Variants in CRISPLD2 observed in about 807,000 individuals in gnomAD.
The protein encoded by CRISPLD2 is cysteine rich secretory protein LCCL domain containing 2.
CRISPLD2 carries 47 observed loss-of-function variants against 71.1 expected under a neutral mutation model. The ratio of observed to expected loss-of-function variants is 0.66; its 90% CI spans 0.52 to 0.84. CRISPLD2 has a LOEUF of 0.84. CRISPLD2 is among the 40% of genes least tolerant of loss of function. CRISPLD2 has a pLI of 0.00. For missense variants in CRISPLD2, 830 were observed against 651.1 expected (o/e 1.27, Z -2.99); for synonymous variants, 317 against 250.1 (o/e 1.27, Z -2.52).
At chr16:84,849,332 ACTGGTGGGTGAGGGGAGGGG>A in intron 3 of CRISPLD2, 33 bp from the exon 4 acceptor site, 1 of 1,546,470 alleles carries the variant, frequency 6.5e-7, no homozygotes, top group Non-Finnish European at 8.8e-7. Context: ...TGCTGTCTCC[ACTGGTGGGTGAGGGGAGGGG>A]CTGGGACTGA....
chr16:84,854,891 G>A, intron 6 of CRISPLD2, 62 bp downstream of exon 6: 1 of 1,277,524 alleles, frequency 7.8e-7, no homozygotes, highest in Non-Finnish European at 1.1e-6. Context: ...TCATGCGACA[G>A]CGTTACATGA....
chr16:84,900,990 C>T (rs1012461344), intron 14 of CRISPLD2, among the ~76,000 whole-genome samples: 2 of 148,238 alleles, frequency 1.3e-5, no homozygotes, highest in Non-Finnish European at 3.0e-5. Flanking sequence ...GTTGAGGCTG[C>T]AGTGAATCAT....
At chr16:84,895,069 C>T (rs377010168) in intron 14 of CRISPLD2, among the ~76,000 whole-genome samples, 2 of 152,134 alleles carry the variant, frequency 1.3e-5, no homozygotes, top group African/African-American at 2.4e-5. Context: ...GCAGGTTCCC[C>T]TCCTCCACTC....
intron 2 of CRISPLD2, among the ~76,000 whole-genome samples, chr16:84,843,602 A>C (rs910453310): frequency 5.9e-5 from 9 of 152,206 alleles, no homozygotes; most frequent in African/African-American, 2.2e-4. Context: ...ACCCTTTCTC[A>C]TAGGGTTGTT....
intron 3 of CRISPLD2, 200 bp downstream of exon 3, chr16:84,846,104 T>C (rs1408758757): frequency 2.1e-6 from 1 of 478,424 alleles, no homozygotes; most frequent in Non-Finnish European, 3.7e-6. Context: ...CTTGGTTGGC[T>C]GACCCCAGAC....
intron 13 of CRISPLD2, among the ~76,000 whole-genome samples, chr16:84,884,473 A>G (rs16974825): frequency 0.21 from 32,313 of 152,182 alleles, 3,499 homozygotes; most frequent in Admixed American, 0.27. Flanking sequence ...GGTCATCCCA[A>G]GTCACACAGC....
intron 11 of CRISPLD2, among the ~76,000 whole-genome samples, chr16:84,876,600 C>G (rs966120473): frequency 2.0e-5 from 3 of 151,982 alleles, no homozygotes; most frequent in Admixed American, 2.0e-4. Context: ...CGAGACAAGC[C>G]TGGCCAACAT....
intron 14 of CRISPLD2, among the ~76,000 whole-genome samples, chr16:84,902,092 C>T (rs1178732710): frequency 1.3e-5 from 2 of 152,052 alleles, no homozygotes. Context: ...AGCCACCGCG[C>T]CTGGCCCTGG....
rs191418551 is a variant in CRISPLD2, at chr16:84,858,374, C to T, written c.709+3545C>T. 1.5e-3 allele frequency among the ~76,000 whole-genome samples: 228 copies of T among 152,270 alleles called. 1 individual carries two copies. Among genetic ancestry groups the T allele is most frequent in the Non-Finnish European group, 2.9e-3 (197 of 68,018 alleles). On this transcript the variant is annotated intron_variant, in intron 6 of 14. Transcript: ENST00000262424. ...TGTTGCCTCCAGAATCCTAATTGGC[C>T]CACTAGGCGTTGTGCCTCTTTCTTG...
intron 13 of CRISPLD2, among the ~76,000 whole-genome samples, chr16:84,885,809 C>CTTATTT (rs1187626543): frequency 7.6e-6 from 1 of 131,826 alleles, no homozygotes; most frequent in African/African-American, 2.9e-5. Flanking sequence ...TGTTGGATCC[C>CTTATTT]TTCTTTTTTT....
intron 13 of CRISPLD2, among the ~76,000 whole-genome samples, chr16:84,886,752 C>T (rs1297403191): frequency 2.6e-5 from 4 of 152,186 alleles, no homozygotes; most frequent in East Asian, 1.9e-4. Context: ...AAGGTCAAAG[C>T]TCTGATGAGC....
intron 14 of CRISPLD2, among the ~76,000 whole-genome samples, chr16:84,892,558 C>T (rs989416263): frequency 1.4e-4 from 21 of 152,156 alleles, no homozygotes; most frequent in Non-Finnish European, 1.3e-4. Flanking sequence ...TAGCCACCAA[C>T]GGTGGGTGCT....
At chr16:84,885,032 G>A (rs1462043353) in intron 13 of CRISPLD2, among the ~76,000 whole-genome samples, 2 of 152,194 alleles carry the variant, frequency 1.3e-5, no homozygotes, top group Non-Finnish European at 1.5e-5. Context: ...CAGAAAGCCT[G>A]GAGGTCTTAT....
At chr16:84,887,641 C>T (rs979915532) in intron 13 of CRISPLD2, among the ~76,000 whole-genome samples, 5 of 152,196 alleles carry the variant, frequency 3.3e-5, no homozygotes, top group Non-Finnish European at 7.3e-5. Flanking sequence ...CTTTGGGAGG[C>T]CGAGGCGTGT....
chr16:84,884,237 G>A (rs527837127), intron 13 of CRISPLD2, among the ~76,000 whole-genome samples: 26 of 152,256 alleles, frequency 1.7e-4, no homozygotes, highest in African/African-American at 4.6e-4. Context: ...TGGCAGTCCC[G>A]CCTCTGATCT....
chr16:84,866,362 A>C (rs1917537169), intron 6 of CRISPLD2, among the ~76,000 whole-genome samples: 2 of 151,884 alleles, frequency 1.3e-5, no homozygotes, highest in South Asian at 2.1e-4. Context: ...GCACCCCCCA[A>C]GTAGCTGGGA....
In CRISPLD2 at chr16:84,854,723, C is replaced by T; in HGVS notation, c.609-6C>T. 1 of 1,612,746 alleles carries T rather than the reference C, an allele frequency of 6.2e-7. No individual in the cohort carries two copies. Among genetic ancestry groups the T allele is most frequent in the Non-Finnish European group, 8.5e-7 (1 of 1,178,798 alleles). ...CTCTGACGGTTGTTTTTGGGTCTGT[C>T]CTCAGGGGGAACTGGATTGGAGAAG... is the stretch of plus-strand genomic sequence containing the variant. On this transcript the variant is annotated splice_polypyrimidine_tract_variant and splice_region_variant and intron_variant, in intron 5 of 14. Transcript: ENST00000262424.
intron 13 of CRISPLD2, among the ~76,000 whole-genome samples, chr16:84,886,504 A>T (rs1185826493): frequency 2.0e-5 from 3 of 151,154 alleles, no homozygotes; most frequent in Non-Finnish European, 4.4e-5. Context: ...GTAGCTCCCC[A>T]CTCCCCTCTC....
At chr16:84,831,654 G>T (rs888804596) in intron 1 of CRISPLD2, among the ~76,000 whole-genome samples, 19 of 152,204 alleles carry the variant, frequency 1.2e-4, no homozygotes, top group East Asian at 1.9e-4. Flanking sequence ...GATCCTCCCA[G>T]CTCAACATCC....
Sources: gnomAD v4.1 joint callset for allele counts (sites outside exome capture counted in the v4.1 genomes callset) on GRCh38, gnomAD v4.1.1 for gene constraint, MANE v1.5 for transcripts, NCBI Gene and HGNC (gene_info 2026-07-23, HGNC 2026-07-21) for gene names.